LRRC72: variants seen among roughly 807,000 people sequenced by gnomAD.
The protein encoded by LRRC72 is leucine rich repeat containing 72.
In LRRC72, 41 loss-of-function variants were observed where a neutral mutation model predicts 35.8. The observed-to-expected ratio is 1.15, with a 90% CI of 0.89 to 1.49. LRRC72 has a LOEUF of 1.49. Ranked by LOEUF, LRRC72 falls within the 40% of genes most tolerant of loss-of-function variation. The pLI is 0.00. For missense variants in LRRC72, 389 were observed against 330.7 expected, an observed-to-expected ratio of 1.18 and a Z score of -1.37; for synonymous variants, 118 against 119.2, an observed-to-expected ratio of 0.99 and a Z score of 0.07.
chr7:16,537,810 A>G, intron 3 of LRRC72, 114 bp downstream of exon 3: 1 of 630,558 alleles, frequency 1.6e-6, no homozygotes. Context: ...ATTTAAATTG[A>G]GCTAAGAAAC....
intron 5 of LRRC72, among the ~76,000 whole-genome samples, chr7:16,563,894 C>G (rs763572482): frequency 6.6e-6 from 1 of 152,174 alleles, no homozygotes; most frequent in Non-Finnish European, 1.5e-5. Flanking sequence ...TGGTCAACCA[C>G]AAGTCCATAG....
intron 5 of LRRC72, among the ~76,000 whole-genome samples, chr7:16,564,371 G>C (rs1782791458): frequency 6.9e-6 from 1 of 145,704 alleles, no homozygotes; most frequent in African/African-American, 2.8e-5. Flanking sequence ...TACAATTCAT[G>C]ATCCCAATGG....
chr7:16,557,008 G>C (rs1782660651), intron 3 of LRRC72, among the ~76,000 whole-genome samples: 1 of 152,222 alleles, frequency 6.6e-6, no homozygotes, highest in African/African-American at 2.4e-5. Flanking sequence ...TGGATATGTG[G>C]TGCTGGATCT....
intron 2 of LRRC72, 183 bp downstream of exon 2, chr7:16,532,751 T>TA (rs11284325): frequency 3.0e-3 from 1,559 of 516,748 alleles, no homozygotes; most frequent in Middle Eastern, 4.2e-3. Context: ...TGAAATTGAT[T>TA]AAAAAAAAAA....
chr7:16,534,159 G>A (rs1782213823), intron 2 of LRRC72, among the ~76,000 whole-genome samples: 1 of 152,180 alleles, frequency 6.6e-6, no homozygotes, highest in African/African-American at 2.4e-5. Flanking sequence ...AGTTTCTCTT[G>A]ACTCTGGGAA....
intron 3 of LRRC72, among the ~76,000 whole-genome samples, chr7:16,555,299 T>A (rs1239916437): frequency 6.6e-6 from 1 of 152,110 alleles, no homozygotes; most frequent in Admixed American, 6.5e-5. Context: ...AAAAACAAAG[T>A]AAAGAAATTT....
intron 5 of LRRC72, among the ~76,000 whole-genome samples, chr7:16,563,303 T>A (rs1345025483): frequency 1.3e-5 from 2 of 152,040 alleles, no homozygotes; most frequent in Admixed American, 1.3e-4. Flanking sequence ...TCTGTCTCGA[T>A]AATAAGTAGC....
intron 7 of LRRC72, among the ~76,000 whole-genome samples, chr7:16,576,372 A>G (rs1347198652): frequency 6.6e-6 from 1 of 152,214 alleles, no homozygotes; most frequent in African/African-American, 2.4e-5. Context: ...GAATTATTTT[A>G]TTGGAAAGAA....
At chr7:16,572,166 T>C (rs1184210278) in intron 7 of LRRC72, among the ~76,000 whole-genome samples, 1 of 152,184 alleles carries the variant, frequency 6.6e-6, no homozygotes, top group African/African-American at 2.4e-5. Context: ...CAGTAATTAA[T>C]AGCCTGCCAA....
At position 16,558,895 on chromosome 7, in the gene LRRC72, A is replaced by G; in HGVS notation, c.323A>G (p.His108Arg). 2.1e-6 allele frequency: 3 copies of G among 1,452,778 alleles called. No homozygotes were observed. Among genetic ancestry groups the G allele is most frequent in the Non-Finnish European group, 2.7e-6 (3 of 1,092,938 alleles). The allele number at this position is 1,452,778 out of a possible 1,614,324, so 90.0% of individuals were successfully genotyped here. ...AATATTCTGTTTTTTTTAGGTCTGC[A>G]TTATTTGCCTTCATTGCATATACTC... The part of the protein sequence containing the change: ...NNAIFEIEGL[H>R]YLPSLHILLL... The change falls in exon 5 of 9, where the codon CAT becomes CGT. Residue 108 changes from histidine (H) to arginine (R), a missense_variant. His to Arg is a conservative substitution (Grantham distance 29, BLOSUM62 0). Coordinates refer to ENST00000401542, the MANE Select transcript of LRRC72 (RefSeq NM_001195280.2).
intron 1 of LRRC72, among the ~76,000 whole-genome samples, chr7:16,527,260 G>T (rs1208846602): frequency 6.6e-6 from 1 of 152,124 alleles, no homozygotes; most frequent in African/African-American, 2.4e-5. Context: ...GAGCGGTGGC[G>T]AACCCCCCTC....
At position 16,555,059 on chromosome 7, in the gene LRRC72, G is replaced by A. The variant is rs139469645; in HGVS notation, c.235-2301G>A. 1.1e-3 allele frequency among the ~76,000 whole-genome samples: 170 copies of A among 152,264 alleles called. 1 individual carries two copies. Among genetic ancestry groups the A allele is most frequent in the African/African-American group, 3.5e-3 (145 of 41,554 alleles). On this transcript the variant is annotated intron_variant, in intron 3 of 8. Coordinates refer to ENST00000401542, the MANE Select transcript of LRRC72 (RefSeq NM_001195280.2). ...GCCAGGAGGCCAGTGGGAAAAGTTCGAAAGTGATAAGGAGCCAACAGGGAC... is the reference window on the plus strand; with the variant it reads ...GCCAGGAGGCCAGTGGGAAAAGTTCAAAAGTGATAAGGAGCCAACAGGGAC...
chr7:16,580,352 A>C (rs1783119294), intron 8 of LRRC72, among the ~76,000 whole-genome samples: 1 of 152,226 alleles, frequency 6.6e-6, no homozygotes. Context: ...TGCTTAAAAA[A>C]ATAAACCTCG....
intron 5 of LRRC72, among the ~76,000 whole-genome samples, chr7:16,562,439 C>A (rs934295875): frequency 2.0e-5 from 3 of 152,190 alleles, no homozygotes; most frequent in African/African-American, 7.2e-5. Flanking sequence ...TTTCTCGTTT[C>A]TTTCTAATTT....
intron 3 of LRRC72, among the ~76,000 whole-genome samples, chr7:16,544,214 T>C (rs1782406297): frequency 6.6e-6 from 1 of 152,152 alleles, no homozygotes; most frequent in Non-Finnish European, 1.5e-5. Context: ...GAAGGGTGCA[T>C]ATTTCTTCAA....
intron 3 of LRRC72, among the ~76,000 whole-genome samples, chr7:16,548,948 C>A (rs1183939692): frequency 6.6e-6 from 1 of 152,222 alleles, no homozygotes; most frequent in Non-Finnish European, 1.5e-5. Flanking sequence ...TTCCCTACTA[C>A]AATAAGAGCA....
intron 1 of LRRC72, among the ~76,000 whole-genome samples, chr7:16,528,550 C>G (rs1246987584): frequency 6.6e-6 from 1 of 152,158 alleles, no homozygotes; most frequent in Non-Finnish European, 1.5e-5. Context: ...CCCATTCATT[C>G]TCCCTAAACA....
chr7:16,549,397 A>T (rs930199796), intron 3 of LRRC72, among the ~76,000 whole-genome samples: 3 of 152,192 alleles, frequency 2.0e-5, no homozygotes, highest in African/African-American at 7.2e-5. Context: ...CTCAAAATCA[A>T]AGGGAGCCAT....
At chr7:16,547,530 C>T (rs951471556) in intron 3 of LRRC72, among the ~76,000 whole-genome samples, 4 of 152,198 alleles carry the variant, frequency 2.6e-5, no homozygotes, top group Non-Finnish European at 4.4e-5. Flanking sequence ...CATCTCCCTG[C>T]ACTCTCGGGG....
Sources: gnomAD v4.1 joint callset for allele counts (sites outside exome capture counted in the v4.1 genomes callset) on GRCh38, gnomAD v4.1.1 for gene constraint, MANE v1.5 for transcripts, NCBI Gene and HGNC (gene_info 2026-07-23, HGNC 2026-07-21) for gene names.